The following GARIN2 variants were observed in gnomAD, a reference collection of about 807,000 sequenced individuals.
GARIN2 encodes the protein golgi associated RAB2 interactor family member 2, also known as Golgi-associated RAB2 interactor protein 2.
At chr14:67,225,323 C>CA in the GARIN2 span, 2 of 1,220,856 alleles carry the variant, frequency 1.6e-6, no homozygotes, top group Admixed American at 3.5e-5. Flanking sequence ...TACTGTCACA[C>CA]AAAAAAGTTG....
At chr14:67,218,695 G>T in the GARIN2 span, among the ~76,000 whole-genome samples, 1 of 152,008 alleles carries the variant, frequency 6.6e-6, no homozygotes, top group East Asian at 1.9e-4. Context: ...GAGGCACTGC[G>T]GAACAGTTTC....
the GARIN2 span, among the ~76,000 whole-genome samples, chr14:67,192,569 G>C: frequency 1.3e-5 from 2 of 151,538 alleles, no homozygotes; most frequent in African/African-American, 4.9e-5. Context: ...TATCAGGAGA[G>C]AACCCAGAAA....
At chr14:67,207,386 C>T in the GARIN2 span, among the ~76,000 whole-genome samples, 1 of 151,966 alleles carries the variant, frequency 6.6e-6, no homozygotes, top group Non-Finnish European at 1.5e-5. Flanking sequence ...AACCAAATCT[C>T]GCATCAACTT....
At chr14:67,225,956 TGTGTGTGCGCGC>T in the GARIN2 span, among the ~76,000 whole-genome samples, 3 of 136,228 alleles carry the variant, frequency 2.2e-5, no homozygotes, top group African/African-American at 9.7e-5. Context: ...TGTGTGTGTG[TGTGTGTGCGCGC>T]GCGCGCGTGC....
At chr14:67,209,308 G>A in the GARIN2 span, among the ~76,000 whole-genome samples, 2 of 151,756 alleles carry the variant, frequency 1.3e-5, no homozygotes, top group African/African-American at 4.9e-5. Context: ...AAAATAAAAA[G>A]AGAGAGAGAG....
At chr14:67,221,673 C>T in the GARIN2 span, 190 of 1,525,520 alleles carry the variant, frequency 1.2e-4, 1 homozygote, top group Non-Finnish European at 1.5e-4. Context: ...CATTACTACC[C>T]ACAGAGCATT....
the GARIN2 span, among the ~76,000 whole-genome samples, chr14:67,202,243 C>T: frequency 2.6e-5 from 4 of 152,176 alleles, no homozygotes; most frequent in Non-Finnish European, 4.4e-5. Flanking sequence ...GAGTTCGAGA[C>T]CAGCCCCACC....
At chr14:67,220,888 C>T in the GARIN2 span, among the ~76,000 whole-genome samples, 1 of 152,156 alleles carries the variant, frequency 6.6e-6, no homozygotes, top group African/African-American at 2.4e-5. Context: ...GGTGTATTTG[C>T]CAGTCCCCTT....
At chr14:67,208,035 C>A in the GARIN2 span, 1 of 549,404 alleles carries the variant, frequency 1.8e-6, no homozygotes, top group Non-Finnish European at 2.3e-6. Context: ...ACACCCGGGG[C>A]TCTCCCAATG....
At chr14:67,225,962 T>TGTGTGTGTGCGC in the GARIN2 span, among the ~76,000 whole-genome samples, 189 of 113,496 alleles carry the variant, frequency 1.7e-3, no homozygotes, top group Middle Eastern at 0.013. Flanking sequence ...TGTGTGTGTG[T>TGTGTGTGTGCGC]GCGCGCGCGC....
the GARIN2 span, among the ~76,000 whole-genome samples, chr14:67,225,962 T>TGTGTGTGTGTGTGTGC: frequency 6.5e-3 from 738 of 113,430 alleles, 5 homozygotes; most frequent in Non-Finnish European, 7.9e-3. Context: ...TGTGTGTGTG[T>TGTGTGTGTGTGTGTGC]GCGCGCGCGC....
chr14:67,203,530 A>G, the GARIN2 span, among the ~76,000 whole-genome samples: 1 of 152,238 alleles, frequency 6.6e-6, no homozygotes, highest in Non-Finnish European at 1.5e-5. Flanking sequence ...CTGAAGACTC[A>G]TAATAAACTA....
chr14:67,208,102 C>A, the GARIN2 span: 24 of 1,502,520 alleles, frequency 1.6e-5, no homozygotes, highest in Admixed American at 4.0e-4. Flanking sequence ...TGCTCAGTGA[C>A]GATGAATGAA....
At chr14:67,218,257 G>C in the GARIN2 span, among the ~76,000 whole-genome samples, 1 of 152,214 alleles carries the variant, frequency 6.6e-6, no homozygotes, top group African/African-American at 2.4e-5. Flanking sequence ...TTGTCTATGA[G>C]TAGCAGCCTA....
chr14:67,225,386 T>A, the GARIN2 span: 1 of 591,604 alleles, frequency 1.7e-6, no homozygotes, highest in Non-Finnish European at 2.6e-6. Context: ...AGTAACAATA[T>A]AAGTGGAATG....
At chr14:67,225,333 G>T in the GARIN2 span, 1 of 1,074,846 alleles carries the variant, frequency 9.3e-7, no homozygotes, top group Non-Finnish European at 1.3e-6. Context: ...CAAAAAAGTT[G>T]TTAATAAGTG....
At chr14:67,222,859 A>G in the GARIN2 span, among the ~76,000 whole-genome samples, 1 of 152,196 alleles carries the variant, frequency 6.6e-6, no homozygotes, top group Admixed American at 6.5e-5. Flanking sequence ...AAGAGAAAAA[A>G]AAAATACTGC....
the GARIN2 span, among the ~76,000 whole-genome samples, chr14:67,207,032 A>G: frequency 2.4e-3 from 364 of 152,318 alleles, 9 homozygotes; most frequent in East Asian, 0.017. Flanking sequence ...GGATTTTCCA[A>G]ATACGCTATA....
the GARIN2 span, among the ~76,000 whole-genome samples, chr14:67,213,401 G>A: frequency 7.2e-6 from 1 of 139,364 alleles, no homozygotes; most frequent in Non-Finnish European, 1.5e-5. Flanking sequence ...ACCTATGAGT[G>A]AGAATATGCG....
Sources: allele counts gnomAD v4.1 joint callset (sites outside exome capture counted in the v4.1 genomes callset), GRCh38; gene constraint gnomAD v4.1.1; transcripts MANE v1.5; gene names NCBI Gene and HGNC (gene_info 2026-07-23, HGNC 2026-07-21).